The following ZBTB44 variants were observed in gnomAD, a reference collection of about 807,000 sequenced individuals.
ZBTB44 encodes the protein zinc finger and BTB domain-containing protein 44.
ZBTB44 carries 15 observed loss-of-function variants against 54.0 expected under a neutral mutation model. That is an observed-to-expected ratio of 0.28 (90% CI 0.19 to 0.43). ZBTB44 has a LOEUF of 0.43. Ranked by LOEUF, ZBTB44 falls within the 20% of genes least tolerant of loss-of-function variation. The pLI, the probability that ZBTB44 is intolerant of heterozygous loss-of-function variation, is 1.00. For synonymous variants in ZBTB44, 230 were observed against 250.1 expected (o/e 0.92, Z 0.76); for missense variants, 487 against 707.1 (o/e 0.69, Z 3.53).
At chr11:130,312,812 G>T (rs1027124944) in intron 1 of ZBTB44, among the ~76,000 whole-genome samples, 1 of 152,198 alleles carries the variant, frequency 6.6e-6, no homozygotes, top group Non-Finnish European at 1.5e-5. Context: ...AGATGGAGTT[G>T]TTAATTTTGA....
intron 1 of ZBTB44, among the ~76,000 whole-genome samples, chr11:130,309,567 T>C (rs548027394): frequency 7.9e-5 from 12 of 152,336 alleles, no homozygotes; most frequent in Middle Eastern, 3.4e-3. Context: ...AGCATATTTA[T>C]GCCAGTTTTG....
chr11:130,290,525 T>C (rs557825418), intron 1 of ZBTB44, among the ~76,000 whole-genome samples: 28 of 152,364 alleles, frequency 1.8e-4, no homozygotes, highest in Middle Eastern at 3.4e-3. Flanking sequence ...TGCCTCTGCC[T>C]CTGCCTTGGA....
chr11:130,245,643 C>T (rs542482149), intron 2 of ZBTB44, among the ~76,000 whole-genome samples: 1 of 152,144 alleles, frequency 6.6e-6, no homozygotes, highest in South Asian at 2.1e-4. Context: ...GCCAAGAAGA[C>T]TGGCATCGGC....
chr11:130,250,559 G>A (rs560127249), intron 2 of ZBTB44, among the ~76,000 whole-genome samples: 12 of 152,264 alleles, frequency 7.9e-5, no homozygotes, highest in Admixed American at 2.0e-4. Context: ...GTGCCCCTCT[G>A]GGATGAAGCA....
intron 2 of ZBTB44, among the ~76,000 whole-genome samples, chr11:130,252,357 G>C (rs1938080373): frequency 6.6e-6 from 1 of 152,080 alleles, no homozygotes; most frequent in Admixed American, 6.5e-5. Context: ...GTCAATATTA[G>C]ACAGATCAAC....
At position 130,261,323 on chromosome 11, in the gene ZBTB44, C is replaced by T. The variant is rs1938849160; in HGVS notation, c.551G>A (p.Arg184His). 3.1e-6 allele frequency: 5 copies of T among 1,613,680 alleles called. No individual in the cohort carries two copies. The highest frequency in any genetic ancestry group is 1.1e-5 in the South Asian group (1 of 91,076). ...IPVCRESRRK[R>H]KSYIVMSPES... The stretch of plus-strand genomic sequence containing the variant: ...AGGAGACATAACAATGTAGCTTTTG[C>T]GCTTTCTCCGGGATTCTCGGCAGAC... The change falls in exon 2 of 8, where the codon CGC becomes CAC. Residue 184 changes from arginine to histidine, a missense_variant. By Grantham distance (29) the Arg-to-His change is conservative (BLOSUM62 0). This residue lies in a region of ZBTB44 where 277 missense variants were observed against 306.5 expected (regional missense o/e 0.90). Coordinates refer to ENST00000357899, the MANE Select transcript of ZBTB44 (RefSeq NM_001301098.2). The surrounding 1 kb of genome is among the most constrained non-coding windows in gnomAD (Gnocchi z 4.8).
intron 2 of ZBTB44, among the ~76,000 whole-genome samples, chr11:130,247,228 G>A (rs1937617977): frequency 6.6e-6 from 1 of 152,136 alleles, no homozygotes; most frequent in African/African-American, 2.4e-5. Flanking sequence ...AACTCAACCT[G>A]TTCAATCATA....
intron 2 of ZBTB44, among the ~76,000 whole-genome samples, chr11:130,242,861 C>T (rs948034789): frequency 6.6e-6 from 1 of 152,200 alleles, no homozygotes; most frequent in Non-Finnish European, 1.5e-5. Context: ...GAGCTTCCAT[C>T]AAACCTACAT....
intron 1 of ZBTB44, among the ~76,000 whole-genome samples, chr11:130,271,005 T>C (rs1423021912): frequency 6.6e-6 from 1 of 152,150 alleles, no homozygotes; most frequent in Non-Finnish European, 1.5e-5. Flanking sequence ...GAAAGGCACG[T>C]TGTTAGAAGC....
At position 130,314,621 on chromosome 11, in the gene ZBTB44, C is replaced by T; in HGVS notation, c.-303G>A. ...GCCCGCGAGTGGGAGTGCGAGGAGGCGGGGAGGGAAGCACCCCCAGCGCTC... is the reference window on the plus strand; with the variant it reads ...GCCCGCGAGTGGGAGTGCGAGGAGGTGGGGAGGGAAGCACCCCCAGCGCTC... On this transcript the variant is annotated 5_prime_UTR_variant, in exon 1 of 8. Transcript: ENST00000357899. The T allele has an allele frequency of 6.6e-6, 1 of 151,808 alleles. No homozygotes were observed. Among genetic ancestry groups the T allele is most frequent in the Non-Finnish European group, 1.5e-5 (1 of 67,990 alleles). The allele number at this position is 151,808 out of a possible 1,614,324, so 9.4% of individuals were successfully genotyped here.
intron 1 of ZBTB44, among the ~76,000 whole-genome samples, chr11:130,284,036 C>T (rs949078124): frequency 2.8e-5 from 4 of 145,018 alleles, no homozygotes; most frequent in African/African-American, 1.0e-4. Flanking sequence ...GCCTGTAATC[C>T]AAGCACATAT....
chr11:130,275,556 C>T (rs976878094), intron 1 of ZBTB44, among the ~76,000 whole-genome samples: 8 of 152,108 alleles, frequency 5.3e-5, no homozygotes, highest in Admixed American at 2.6e-4. Context: ...TGTTTAATTA[C>T]CACATATTTG....
At chr11:130,267,966 G>A (rs1939379967) in intron 1 of ZBTB44, among the ~76,000 whole-genome samples, 1 of 151,580 alleles carries the variant, frequency 6.6e-6, no homozygotes, top group Admixed American at 6.6e-5. Context: ...CCAGCTACTC[G>A]GGAGGCTGAG....
intron 1 of ZBTB44, chr11:130,296,047 G>A: frequency 6.3e-7 from 1 of 1,583,884 alleles, no homozygotes; most frequent in Non-Finnish European, 8.7e-7. Context: ...GGTTATTGAT[G>A]AAGCTGATCG....
At chr11:130,300,753 T>A (rs967058133) in intron 1 of ZBTB44, among the ~76,000 whole-genome samples, 2 of 152,066 alleles carry the variant, frequency 1.3e-5, no homozygotes, top group African/African-American at 4.8e-5. Flanking sequence ...GATGACCTTA[T>A]AATAGCATAT....
intron 1 of ZBTB44, chr11:130,295,800 A>T (rs1179483204): frequency 1.4e-6 from 2 of 1,426,662 alleles, no homozygotes; most frequent in African/African-American, 2.8e-5. Context: ...CCAGGAATGC[A>T]TGCGGAGTCC....
intron 2 of ZBTB44, among the ~76,000 whole-genome samples, chr11:130,258,916 C>A (rs1317170366): frequency 6.6e-6 from 1 of 152,156 alleles, no homozygotes; most frequent in Non-Finnish European, 1.5e-5. Context: ...GATAAAAAAT[C>A]ACAAGCATTC....
intron 7 of ZBTB44, 194 bp from the exon 8 acceptor site, chr11:130,231,909 A>G (rs2136247913): frequency 6.6e-6 from 1 of 152,340 alleles, no homozygotes; most frequent in East Asian, 1.9e-4. Flanking sequence ...GCAGAAAGTA[A>G]TGCAACCCTA....
rs1218477365 is a variant in ZBTB44, at chr11:130,236,636, T to C, written c.1568+157A>G. 6.9e-6 allele frequency: 5 copies of C among 723,848 alleles called. No individual in the cohort carries two copies. In the East Asian group the frequency reaches 1.7e-4, roughly 24 times the overall value. 44.8% of individuals were successfully genotyped at this position (723,848 alleles called of 1,614,324 possible). A position where few individuals can be genotyped will look rare whatever the true frequency, so the allele number is the denominator to read the frequency against. On this transcript the variant is annotated intron_variant, in intron 5 of 7. Coordinates refer to ENST00000357899, the MANE Select transcript of ZBTB44 (RefSeq NM_001301098.2). ...ACGTAGAAGACTCAGCAAAATTTTA[T>C]CAGATCAGGAGATTAGAGTATGAAC...
Sources: gnomAD v4.1 joint callset for allele counts (sites outside exome capture counted in the v4.1 genomes callset) on GRCh38, gnomAD v4.1.1 for gene constraint, gnomAD v4.1.1 regional missense constraint, Gnocchi (gnomAD v3.1) non-coding constraint, MANE v1.5 for transcripts, NCBI Gene and HGNC (gene_info 2026-07-23, HGNC 2026-07-21) for gene names.